AFF2: variants seen among roughly 807,000 people sequenced by gnomAD.
AFF2 encodes AF4/FMR2 family member 2.
Under a neutral mutation model 76.9 loss-of-function variants are expected in AFF2, and 14 were observed. That is an observed-to-expected ratio of 0.18 (90% CI 0.12 to 0.28). The LOEUF is 0.28. Among genes scored for constraint, AFF2 ranks in the 10% least tolerant of loss-of-function variants. AFF2 has a pLI of 1.00. For synonymous variants in AFF2, 398 were observed against 366.7 expected (o/e 1.09, Z -0.98); for missense variants, 868 against 1,001.1 (o/e 0.87, Z 1.79).
chrX:148,829,058 A>T (rs1408132336), intron 4 of AFF2, among the ~76,000 whole-genome samples: 1 of 112,508 alleles, frequency 8.9e-6, no homozygotes, highest in Non-Finnish European at 1.9e-5. Context: ...ATATTTCCAG[A>T]TTCCCTTAAA....
At chrX:148,747,730 AG>A (rs1343050309) in intron 3 of AFF2, among the ~76,000 whole-genome samples, 1 of 112,057 alleles carries the variant, frequency 8.9e-6, no homozygotes, top group Admixed American at 9.5e-5. Context: ...TATTCAAAAC[AG>A]GACCTAATGT....
chrX:148,903,520 T>C (rs1217910087), intron 8 of AFF2, among the ~76,000 whole-genome samples: 1 of 112,032 alleles, frequency 8.9e-6, no homozygotes, highest in African/African-American at 3.2e-5. Flanking sequence ...ATAAATGGAC[T>C]GTACACAGAT....
intron 1 of AFF2, among the ~76,000 whole-genome samples, chrX:148,624,540 A>G (rs2053902978): frequency 8.9e-6 from 1 of 112,292 alleles, no homozygotes; most frequent in Non-Finnish European, 1.9e-5. Context: ...TTATGTATAG[A>G]TATACTTCTT....
chrX:148,595,340 A>G (rs1557247171), intron 1 of AFF2, among the ~76,000 whole-genome samples: 2 of 111,995 alleles, frequency 1.8e-5, no homozygotes, highest in Admixed American at 1.9e-4. Context: ...AATAAATAAA[A>G]GGAGAGGAAA....
Position 148,843,240 on chromosome X carries a change from TC to T in AFF2, c.1211-135del, listed in dbSNP as rs1366372171. 4,579 of 518,502 alleles carry T rather than the reference TC, an allele frequency of 8.8e-3. 11 individuals are homozygous for T. The highest frequency in any genetic ancestry group is 0.01 in the Non-Finnish European group (3,406 of 326,904). The allele number at this position is 518,502 out of a possible 1,213,427, so 42.7% of individuals were successfully genotyped here. Reference sequence around the variant, plus strand: ...CAGTCCCGTGATATATCTAACTGGTTCCCCCCCTTTTTTTTTTTTAATCTGT... The same window carrying T: ...CAGTCCCGTGATATATCTAACTGGTTCCCCCCTTTTTTTTTTTTAATCTGT... On this transcript the variant is annotated intron_variant, in intron 6 of 20. Transcript: ENST00000370460.
intron 1 of AFF2, among the ~76,000 whole-genome samples, chrX:148,525,725 A>G (rs1173424078): frequency 8.9e-6 from 1 of 112,290 alleles, no homozygotes; most frequent in Non-Finnish European, 1.9e-5. Flanking sequence ...AATGTTAGAA[A>G]AAACAGTTGT....
intron 1 of AFF2, among the ~76,000 whole-genome samples, chrX:148,650,606 G>T (rs1187539203): frequency 8.9e-6 from 1 of 112,349 alleles, no homozygotes; most frequent in Non-Finnish European, 1.9e-5. Flanking sequence ...ATGGAGAAAT[G>T]AGTGTTCTTT....
chrX:148,897,494 T>C (rs1406793540), intron 8 of AFF2, among the ~76,000 whole-genome samples: 2 of 104,972 alleles, frequency 1.9e-5, no homozygotes, highest in Admixed American at 1.1e-4. Flanking sequence ...ATTTAGTATA[T>C]AAATAAAAAT....
chrX:148,843,514 T>C, intron 7 of AFF2, 81 bp downstream of exon 7: 1 of 823,686 alleles, frequency 1.2e-6, no homozygotes, highest in Admixed American at 2.3e-5. Flanking sequence ...TCTAATCTTG[T>C]TCTCTCCTCT....
At chrX:148,505,953 G>C (rs1273230574) in intron 1 of AFF2, among the ~76,000 whole-genome samples, 1 of 95,341 alleles carries the variant, frequency 1.0e-5, no homozygotes, top group Admixed American at 1.1e-4. Context: ...GAGTGTGTGT[G>C]TCTGTGTGTG....
chrX:148,842,021 T>C (rs1483463945), intron 5 of AFF2, among the ~76,000 whole-genome samples: 2 of 112,564 alleles, frequency 1.8e-5, no homozygotes, highest in Non-Finnish European at 3.8e-5. Context: ...TTATAAAAGA[T>C]AATGCTGTGA....
At chrX:148,520,447 T>C (rs2052582829) in intron 1 of AFF2, among the ~76,000 whole-genome samples, 1 of 112,090 alleles carries the variant, frequency 8.9e-6, no homozygotes, top group South Asian at 3.7e-4. Flanking sequence ...AGGCAGAGTG[T>C]CCTGGGGGCT....
At chrX:148,718,799 T>A (rs1557263559) in intron 3 of AFF2, among the ~76,000 whole-genome samples, 1 of 111,210 alleles carries the variant, frequency 9.0e-6, no homozygotes, top group African/African-American at 3.3e-5. Flanking sequence ...CACTGAGCAG[T>A]GTTCTATACA....
chrX:148,891,092 C>T (rs1349584101), intron 8 of AFF2, among the ~76,000 whole-genome samples: 1 of 111,653 alleles, frequency 9.0e-6, no homozygotes, highest in Non-Finnish European at 1.9e-5. Flanking sequence ...CCAGCCCTGG[C>T]CTTCCCCATG....
At chrX:148,551,926 C>T (rs1338173912) in intron 1 of AFF2, among the ~76,000 whole-genome samples, 2 of 112,476 alleles carry the variant, frequency 1.8e-5, no homozygotes, top group African/African-American at 6.5e-5. Flanking sequence ...AAATCAGGCA[C>T]GTGGGTGCTC....
intron 3 of AFF2, among the ~76,000 whole-genome samples, chrX:148,721,104 G>A (rs782281581): frequency 3.4e-4 from 38 of 112,212 alleles, no homozygotes; most frequent in African/African-American, 1.1e-3. Flanking sequence ...AAGTCTATGT[G>A]TAAAGAATCC....
In AFF2 at chrX:148,669,273, G is replaced by A. The variant is rs138623619; in HGVS notation, c.1041+6505G>A. 2.5e-3 allele frequency among the ~76,000 whole-genome samples: 279 copies of A among 111,853 alleles called. 1 individual carries two copies. Among genetic ancestry groups the A allele is most frequent in the African/African-American group, 8.8e-3 (272 of 30,807 alleles). Reference sequence around the variant, plus strand: ...TCTCTAGGAAGTTCCAAACTTTCCTGCATTTTTCTGTCTTATTCTGAGCCC... The same window carrying A: ...TCTCTAGGAAGTTCCAAACTTTCCTACATTTTTCTGTCTTATTCTGAGCCC... On this transcript the variant is annotated intron_variant, in intron 3 of 20. Coordinates refer to ENST00000370460, the MANE Select transcript of AFF2 (RefSeq NM_002025.4).
intron 1 of AFF2, among the ~76,000 whole-genome samples, chrX:148,576,793 ATGTGTGTG>A (rs60411417): frequency 2.9e-5 from 3 of 103,446 alleles, no homozygotes; most frequent in African/African-American, 1.1e-4. Flanking sequence ...GTGTGTGTGT[ATGTGTGTG>A]TGTGTGTGTG....
chrX:148,817,093 G>C (rs1382974408), intron 4 of AFF2, among the ~76,000 whole-genome samples: 3 of 110,775 alleles, frequency 2.7e-5, no homozygotes, highest in Non-Finnish European at 5.7e-5. Flanking sequence ...AGTGATACAG[G>C]AACTTAAAGA....
Sources: gnomAD v4.1 joint callset for allele counts (sites outside exome capture counted in the v4.1 genomes callset) on GRCh38, gnomAD v4.1.1 for gene constraint, MANE v1.5 for transcripts, NCBI Gene and HGNC (gene_info 2026-07-23, HGNC 2026-07-21) for gene names.